HECW2: variants seen among roughly 807,000 people sequenced by gnomAD.
HECW2 encodes E3 ubiquitin-protein ligase HECW2.
Under a neutral mutation model 175.2 loss-of-function variants are expected in HECW2, and 61 were observed. The ratio of observed to expected loss-of-function variants is 0.35; its 90% confidence interval spans 0.28 to 0.43. HECW2 has a LOEUF of 0.43. Ranked by LOEUF, HECW2 falls within the 20% of genes least tolerant of loss-of-function variation. The pLI is 1.00. For missense variants in HECW2, 1,524 were observed against 2,000.5 expected, an observed-to-expected ratio of 0.76 and a Z score of 4.54; for synonymous variants, 671 against 731.0, an observed-to-expected ratio of 0.92 and a Z score of 1.32.
intron 4 of HECW2, among the ~76,000 whole-genome samples, chr2:196,332,076 T>C (rs1369806876): frequency 1.3e-5 from 2 of 152,102 alleles, no homozygotes; most frequent in African/African-American, 4.8e-5. Context: ...GAAAACAAAA[T>C]ACAAATGACA....
intron 1 of HECW2, among the ~76,000 whole-genome samples, chr2:196,457,871 C>A (rs1454167832): frequency 6.6e-6 from 1 of 152,132 alleles, no homozygotes; most frequent in Admixed American, 6.5e-5. Context: ...GGAAGTATGT[C>A]CAAATATGCC....
At chr2:196,428,831 T>G (rs1192218688) in intron 2 of HECW2, among the ~76,000 whole-genome samples, 1 of 152,214 alleles carries the variant, frequency 6.6e-6, no homozygotes, top group Non-Finnish European at 1.5e-5. Context: ...TTCTTGTATT[T>G]CTAGCTGTGT....
intron 26 of HECW2, chr2:196,217,351 A>C (rs1258491822): frequency 2.7e-6 from 1 of 375,034 alleles, no homozygotes; most frequent in African/African-American, 2.1e-5. Flanking sequence ...AAAGAGAAGA[A>C]CAACAAATGA....
At chr2:196,419,611 A>G (rs1695354431) in intron 2 of HECW2, among the ~76,000 whole-genome samples, 1 of 152,054 alleles carries the variant, frequency 6.6e-6, no homozygotes, top group South Asian at 2.1e-4. Flanking sequence ...TTTCCTTCCT[A>G]CTTATATCTC....
rs140112370 is a variant in HECW2, at chr2:196,516,962, G to A, written c.-36+76546C>T. On this transcript the variant is annotated intron_variant, in intron 1 of 28. Transcript: ENST00000644978. ...AGTCACGGATTACATTCAACCAAAG[G>A]TACATACATTATCCAGCAGGCACCA... Among the ~76,000 whole-genome samples, 4 of 152,262 alleles carry A rather than the reference G, an allele frequency of 2.6e-5. No homozygotes were observed. In the East Asian group the frequency reaches 7.7e-4, roughly 29 times the overall value.
rs1423610363 is a variant in HECW2 at position 196,313,347 on chromosome 2, A to G, written c.2434+3927T>C. 2.0e-5 allele frequency among the ~76,000 whole-genome samples: 3 copies of G among 152,244 alleles called. No individual in the cohort carries two copies. In the East Asian group the frequency reaches 5.8e-4, roughly 29 times the overall value. On this transcript the variant is annotated intron_variant, in intron 10 of 28. Transcript: ENST00000644978. Reference sequence around the variant, plus strand: ...ACTACCTCTAGCTGACAGGACCATCAGTAACATCAGAATGAGAAGATACAG... The same window carrying G: ...ACTACCTCTAGCTGACAGGACCATCGGTAACATCAGAATGAGAAGATACAG...
intron 2 of HECW2, among the ~76,000 whole-genome samples, chr2:196,348,824 CT>C (rs1171040935): frequency 6.6e-6 from 1 of 152,166 alleles, no homozygotes; most frequent in African/African-American, 2.4e-5. Flanking sequence ...GGCCACTTCC[CT>C]TTCTCGTTTC....
intron 1 of HECW2, among the ~76,000 whole-genome samples, chr2:196,540,675 C>T (rs752006391): frequency 6.6e-6 from 1 of 152,112 alleles, no homozygotes; most frequent in Non-Finnish European, 1.5e-5. Context: ...GAACTCCTGG[C>T]CTCAAGCAAT....
chr2:196,558,897 T>C (rs17185723), intron 1 of HECW2, among the ~76,000 whole-genome samples: 20,922 of 152,268 alleles, frequency 0.14, 1,517 homozygotes, highest in Middle Eastern at 0.25. Context: ...CTGTATGGAA[T>C]TGTTTAATAT....
At chr2:196,558,762 G>T (rs1689893785) in intron 1 of HECW2, among the ~76,000 whole-genome samples, 1 of 152,230 alleles carries the variant, frequency 6.6e-6, no homozygotes, top group Admixed American at 6.5e-5. Context: ...GTCTGCCACA[G>T]CAGCAATAAC....
At chr2:196,393,264 T>G (rs1694565137) in intron 2 of HECW2, among the ~76,000 whole-genome samples, 1 of 151,784 alleles carries the variant, frequency 6.6e-6, no homozygotes. Flanking sequence ...GACTAAAACA[T>G]CAAAAGCAAT....
intron 21 of HECW2, among the ~76,000 whole-genome samples, chr2:196,232,726 T>G (rs916892445): frequency 6.6e-6 from 1 of 152,224 alleles, no homozygotes; most frequent in Non-Finnish European, 1.5e-5. Flanking sequence ...CTGACCTCAC[T>G]GATTAGTTCC....
At chr2:196,320,662 AATT>A (rs1691908207) in intron 7 of HECW2, among the ~76,000 whole-genome samples, 1 of 152,212 alleles carries the variant, frequency 6.6e-6, no homozygotes. Context: ...CCATAAGAAA[AATT>A]ATTATTACGA....
intron 21 of HECW2, among the ~76,000 whole-genome samples, chr2:196,230,692 C>T (rs1285425906): frequency 1.3e-5 from 2 of 152,216 alleles, no homozygotes; most frequent in South Asian, 2.1e-4. Flanking sequence ...TTTGGAGCAA[C>T]CACTTTACTT....
intron 15 of HECW2, among the ~76,000 whole-genome samples, chr2:196,277,524 G>C (rs1260928621): frequency 4.6e-5 from 7 of 152,162 alleles, no homozygotes; most frequent in African/African-American, 1.4e-4. Flanking sequence ...TTACACTGTT[G>C]GTGGGACTGT....
intron 10 of HECW2, chr2:196,316,369 T>TG (rs1691696158): frequency 6.6e-6 from 1 of 152,248 alleles, no homozygotes; most frequent in Non-Finnish European, 1.5e-5. Flanking sequence ...CCCTTCTTTA[T>TG]GTTCCACCAT....
chr2:196,220,657 A>ACTTTTCGCATGG (rs1687632438), intron 25 of HECW2, 138 bp downstream of exon 25: 1 of 912,338 alleles, frequency 1.1e-6, no homozygotes, highest in African/African-American at 1.7e-5. Flanking sequence ...ACATAAGGGA[A>ACTTTTCGCATGG]AAAATACTGA....
intron 2 of HECW2, among the ~76,000 whole-genome samples, chr2:196,385,175 G>A (rs1418111517): frequency 6.6e-6 from 1 of 152,048 alleles, no homozygotes; most frequent in Non-Finnish European, 1.5e-5. Flanking sequence ...GCCTCCCAAA[G>A]TGCTGGGATT....
At chr2:196,374,027 G>A (rs377285158) in intron 2 of HECW2, among the ~76,000 whole-genome samples, 33 of 138,484 alleles carry the variant, frequency 2.4e-4, no homozygotes, top group African/African-American at 9.2e-4. Context: ...GAGAGACTCC[G>A]TCTCAAAAAA....
Sources: gnomAD v4.1 joint callset for allele counts (sites outside exome capture counted in the v4.1 genomes callset) on GRCh38, gnomAD v4.1.1 for gene constraint, MANE v1.5 for transcripts, NCBI Gene and HGNC (gene_info 2026-07-23, HGNC 2026-07-21) for gene names.